ATRNL1: variants seen among roughly 807,000 people sequenced by gnomAD.
The protein encoded by ATRNL1 is attractin like 1, also known as attractin-like protein 1.
In ATRNL1, 95 loss-of-function variants were observed where a neutral mutation model predicts 182.7. That is an observed-to-expected ratio of 0.52 (90% CI 0.44 to 0.62). The LOEUF (loss-of-function observed/expected upper bound fraction) is 0.62. Among genes scored for constraint, ATRNL1 ranks in the 20% least tolerant of loss-of-function variants. ATRNL1 has a pLI of 0.00. For synonymous variants in ATRNL1, 576 were observed against 568.3 expected (o/e 1.01, Z -0.19); for missense variants, 1,471 against 1,679.5 (o/e 0.88, Z 2.17).
chr10:115,203,461 C>G (rs1554892987), intron 8 of ATRNL1, among the ~76,000 whole-genome samples: 1 of 151,998 alleles, frequency 6.6e-6, no homozygotes. Flanking sequence ...GGAAATAAGC[C>G]CATGATCTGG....
At chr10:115,334,892 T>C (rs1485333384) in intron 19 of ATRNL1, among the ~76,000 whole-genome samples, 3 of 152,176 alleles carry the variant, frequency 2.0e-5, no homozygotes, top group African/African-American at 7.2e-5. Context: ...ATCCCAACTC[T>C]GTCACTGTTC....
chr10:115,797,583 T>C (rs1239899511), intron 27 of ATRNL1, among the ~76,000 whole-genome samples: 1 of 140,626 alleles, frequency 7.1e-6, no homozygotes, highest in Non-Finnish European at 1.6e-5. Flanking sequence ...AATGTACATG[T>C]CAGCAGAAGA....
intron 21 of ATRNL1, among the ~76,000 whole-genome samples, chr10:115,431,151 A>G (rs1171045743): frequency 6.6e-6 from 1 of 152,204 alleles, no homozygotes; most frequent in East Asian, 1.9e-4. Context: ...TCACGCCTGT[A>G]ATGCCAACAC....
intron 26 of ATRNL1, among the ~76,000 whole-genome samples, chr10:115,689,624 C>T (rs1946326945): frequency 6.6e-6 from 1 of 152,122 alleles, no homozygotes; most frequent in African/African-American, 2.4e-5. Flanking sequence ...TCTTAGGCCT[C>T]TAGGTGGCTG....
At chr10:115,718,786 G>T (rs1947331131) in intron 26 of ATRNL1, among the ~76,000 whole-genome samples, 1 of 152,166 alleles carries the variant, frequency 6.6e-6, no homozygotes. Context: ...GAATAGCTTT[G>T]TTGCTTTTAA....
chr10:115,904,950 G>T (rs574354649), intron 28 of ATRNL1, among the ~76,000 whole-genome samples: 2 of 152,286 alleles, frequency 1.3e-5, no homozygotes, highest in South Asian at 4.1e-4. Context: ...GACGAGTTAG[G>T]ATTGCTTGAA....
intron 8 of ATRNL1, among the ~76,000 whole-genome samples, chr10:115,171,949 A>T (rs1847311180): frequency 6.6e-6 from 1 of 152,078 alleles, no homozygotes; most frequent in Non-Finnish European, 1.5e-5. Context: ...TATGGTGGTT[A>T]TTCAGATTCA....
intron 28 of ATRNL1, among the ~76,000 whole-genome samples, chr10:115,936,169 T>C (rs535410512): frequency 6.6e-6 from 1 of 152,374 alleles, no homozygotes; most frequent in Admixed American, 6.5e-5. Flanking sequence ...GTCTACTATT[T>C]CCTATTTGAC....
intron 26 of ATRNL1, among the ~76,000 whole-genome samples, chr10:115,667,345 A>C (rs1555039994): frequency 6.6e-6 from 1 of 152,184 alleles, no homozygotes; most frequent in African/African-American, 2.4e-5. Flanking sequence ...TAATGTATTC[A>C]TTCTCACAAT....
At chr10:115,873,930 C>G (rs1292908072) in intron 28 of ATRNL1, among the ~76,000 whole-genome samples, 2 of 152,010 alleles carry the variant, frequency 1.3e-5, no homozygotes, top group Non-Finnish European at 2.9e-5. Context: ...GATCCAGATG[C>G]AAATAACTGC....
At chr10:115,864,897 G>C (rs1555104361) in intron 28 of ATRNL1, among the ~76,000 whole-genome samples, 1 of 151,932 alleles carries the variant, frequency 6.6e-6, no homozygotes, top group Non-Finnish European at 1.5e-5. Context: ...CAGGAGAATG[G>C]CGTGAACCCA....
At chr10:115,755,790 G>A (rs937893678) in intron 27 of ATRNL1, among the ~76,000 whole-genome samples, 3 of 151,988 alleles carry the variant, frequency 2.0e-5, no homozygotes, top group South Asian at 2.1e-4. Flanking sequence ...CTGTGAATTT[G>A]TCTGGTCCTG....
intron 21 of ATRNL1, among the ~76,000 whole-genome samples, chr10:115,438,072 G>A (rs1320632449): frequency 2.6e-5 from 4 of 151,942 alleles, no homozygotes; most frequent in African/African-American, 9.7e-5. Context: ...CAGTGGAAAA[G>A]CAAATTATTA....
chr10:115,872,514 C>A (rs1555106338), intron 28 of ATRNL1, among the ~76,000 whole-genome samples: 1 of 152,082 alleles, frequency 6.6e-6, no homozygotes, highest in African/African-American at 2.4e-5. Flanking sequence ...AGTGAGAGCT[C>A]ATCACAAAAG....
chr10:115,826,625 C>A (rs1950439677), intron 27 of ATRNL1, among the ~76,000 whole-genome samples: 1 of 152,092 alleles, frequency 6.6e-6, no homozygotes, highest in Non-Finnish European at 1.5e-5. Context: ...GGAATGAAGT[C>A]ACGGACACCG....
At chr10:115,274,184 C>A (rs1043415052) in intron 13 of ATRNL1, among the ~76,000 whole-genome samples, 5 of 152,198 alleles carry the variant, frequency 3.3e-5, no homozygotes, top group Admixed American at 6.5e-5. Flanking sequence ...ACCATTGCAC[C>A]TGCAGGATCA....
At chr10:115,242,563 A>G (rs1305827519) in intron 10 of ATRNL1, among the ~76,000 whole-genome samples, 1 of 152,026 alleles carries the variant, frequency 6.6e-6, no homozygotes, top group Non-Finnish European at 1.5e-5. Context: ...AAACATTTTT[A>G]TAAGTAAAAT....
At chr10:115,256,174 C>G (rs953389632) in intron 10 of ATRNL1, among the ~76,000 whole-genome samples, 2 of 152,172 alleles carry the variant, frequency 1.3e-5, no homozygotes, top group Admixed American at 6.5e-5. Flanking sequence ...GGAGGATTCC[C>G]TCTTTTTCTA....
chr10:115,786,238 CT>C (rs1213993889), intron 27 of ATRNL1, among the ~76,000 whole-genome samples: 5 of 151,214 alleles, frequency 3.3e-5, no homozygotes, highest in Admixed American at 6.6e-5. Flanking sequence ...CATTTGCAGA[CT>C]TTTTTTTTAG....
Sources: gnomAD v4.1 joint callset for allele counts (sites outside exome capture counted in the v4.1 genomes callset) on GRCh38, gnomAD v4.1.1 for gene constraint, MANE v1.5 for transcripts, NCBI Gene and HGNC (gene_info 2026-07-23, HGNC 2026-07-21) for gene names.